Variants in MORC2 observed in about 807,000 individuals in gnomAD.
MORC2 encodes MORC family CW-type zinc finger 2, also known as ATPase MORC2.
In MORC2, 30 loss-of-function variants were observed where a neutral mutation model predicts 136.0. The ratio of observed to expected loss-of-function variants is 0.22; its 90% CI spans 0.17 to 0.30. The LOEUF is 0.30. Among genes scored for constraint, MORC2 ranks in the 10% least tolerant of loss-of-function variants. MORC2 has a pLI of 1.00. For missense variants in MORC2, 922 were observed against 1,333.1 expected, an observed-to-expected ratio of 0.69 and a Z score of 4.80; for synonymous variants, 439 against 487.0, an observed-to-expected ratio of 0.90 and a Z score of 1.30.
chr22:30,957,806 TAAC>T lies in MORC2; in HGVS notation c.122+832_122+834del, dbSNP rs376547616. On this transcript the variant is annotated intron_variant, in intron 2 of 25. Transcript: ENST00000397641. ...ACACTTCCATGAGCAGTCCAGCTAA[TAAC>T]AACAACAAAAGTAATTAGAATAAGT... is the stretch of plus-strand genomic sequence containing the variant. Among the ~76,000 whole-genome samples, 707 of 152,302 alleles carry T rather than the reference TAAC, an allele frequency of 4.6e-3. 9 individuals carry two copies. The highest frequency in any genetic ancestry group is 0.016 in the African/African-American group (677 of 41,570).
chr22:30,941,885 A>G lies in MORC2; in HGVS notation c.698+6T>C. ...AGGGCCTCCCTCCCTTCCCAGCCAC[A>G]CTCACGTGCCCTCTGGGGACGTCTC... On this transcript the variant is annotated splice_donor_region_variant and intron_variant, in intron 8 of 25. Coordinates refer to ENST00000397641, the MANE Select transcript of MORC2 (RefSeq NM_001303256.3). This position sits in a 1 kb window ranked among gnomAD's most constrained non-coding sequence, Gnocchi z 4.6. The G allele has an allele frequency of 6.3e-7, 1 of 1,599,710 alleles. No individual in the cohort carries two copies. Among genetic ancestry groups the G allele is most frequent in the Non-Finnish European group, 8.6e-7 (1 of 1,167,640 alleles).
chr22:30,948,960 A>G (rs1439220665), intron 5 of MORC2, among the ~76,000 whole-genome samples: 1 of 152,184 alleles, frequency 6.6e-6, no homozygotes, highest in Non-Finnish European at 1.5e-5. Flanking sequence ...ACAACTGCAC[A>G]CAAGGCCCAA....
intron 25 of MORC2, among the ~76,000 whole-genome samples, chr22:30,927,504 A>G (rs2040504389): frequency 6.6e-6 from 1 of 152,122 alleles, no homozygotes; most frequent in Admixed American, 6.6e-5. Context: ...TGAACACCCT[A>G]GTCAAGTGGC....
In MORC2 at chr22:30,968,075, G is replaced by GT. The variant is rs145653923; in HGVS notation, c.-187dup. On this transcript the variant is annotated 5_prime_UTR_variant, in exon 1 of 26. Transcript: ENST00000397641. ...GTTTAAAACTACAATTTCTTCAAGTGTTTTTTTTTAATCTTCTCAATGATT... is the reference window on the plus strand; with the variant it reads ...GTTTAAAACTACAATTTCTTCAAGTGTTTTTTTTTTAATCTTCTCAATGATT... 0.037 allele frequency: 19,345 copies of GT among 529,762 alleles called. 289 individuals are homozygous for GT. Among genetic ancestry groups the GT allele is most frequent in the Non-Finnish European group, 0.045 (13,445 of 297,154 alleles). 32.8% of individuals were successfully genotyped at this position (529,762 alleles called of 1,614,324 possible).
chr22:30,935,553 G>A (rs774032492), intron 17 of MORC2, among the ~76,000 whole-genome samples: 5 of 152,156 alleles, frequency 3.3e-5, no homozygotes, highest in South Asian at 4.1e-4. Flanking sequence ...CTGGCAAAAA[G>A]TGTCAATAGA....
At chr22:30,943,326 A>C (rs952683964) in intron 6 of MORC2, among the ~76,000 whole-genome samples, 1 of 152,264 alleles carries the variant, frequency 6.6e-6, no homozygotes, top group Non-Finnish European at 1.5e-5. Flanking sequence ...GCACAAGAAG[A>C]AATATGACTG....
intron 24 of MORC2, among the ~76,000 whole-genome samples, chr22:30,931,838 T>C (rs1360477506): frequency 2.6e-5 from 4 of 152,226 alleles, no homozygotes; most frequent in African/African-American, 9.7e-5. Flanking sequence ...GGCAAGACTC[T>C]CTTTTGCTGC....
At position 30,947,834 on chromosome 22, in the gene MORC2, T is replaced by C. The variant is rs1316119017; in HGVS notation, c.318-1385A>G. On this transcript the variant is annotated intron_variant, in intron 5 of 25. Transcript: ENST00000397641. ...TCTATCTTCCTTCTGTCTTTGATTC[T>C]GACTTTAGCCTTTGAATAGCAAAAG... Among the ~76,000 whole-genome samples the C allele has an allele frequency of 2.6e-5, 4 of 152,252 alleles. No homozygotes were observed. In the East Asian group the frequency reaches 7.7e-4, roughly 29 times the overall value.
At chr22:30,947,378 G>T (rs1323853602) in intron 5 of MORC2, among the ~76,000 whole-genome samples, 4 of 152,230 alleles carry the variant, frequency 2.6e-5, no homozygotes, top group Admixed American at 6.5e-5. Context: ...ACCAGCAGGG[G>T]GACCGCCCTC....
At chr22:30,957,801 G>A (rs2040987888) in intron 2 of MORC2, among the ~76,000 whole-genome samples, 1 of 152,130 alleles carries the variant, frequency 6.6e-6, no homozygotes, top group South Asian at 2.1e-4. Flanking sequence ...GAGCAGTCCA[G>A]CTAATAACAA....
chr22:30,930,394 T>C (rs1476639931), intron 24 of MORC2, among the ~76,000 whole-genome samples: 7 of 152,200 alleles, frequency 4.6e-5, no homozygotes. Flanking sequence ...CATGGATCTT[T>C]CTGTGCAGCA....
intron 16 of MORC2, 56 bp from the exon 17 acceptor site, chr22:30,936,699 G>C: frequency 1.9e-6 from 3 of 1,592,338 alleles, no homozygotes; most frequent in Non-Finnish European, 2.6e-6. Flanking sequence ...AGCTCGGCAA[G>C]GACCTTTCTC....
intron 1 of MORC2, among the ~76,000 whole-genome samples, chr22:30,960,380 T>C (rs1398066266): frequency 6.6e-6 from 1 of 150,764 alleles, no homozygotes; most frequent in African/African-American, 2.4e-5. Context: ...ACGACAAATA[T>C]GTTATAACCA....
rs1569191635 is a variant in MORC2 at position 30,936,950 on chromosome 22, G to A, written c.1586C>T (p.Pro529Leu). The change falls in exon 16 of 26, where the codon CCT (proline) becomes CTT (leucine). Residue 529 changes from proline to leucine, a missense_variant. This residue lies in a region of MORC2 where 119 missense variants were observed against 202.7 expected (regional missense o/e 0.59). Transcript: ENST00000397641. The part of the protein sequence containing the change: ...YPDTWVCSMN[P>L]DPEQDRCEAS... ...TGCTCACCGGTCCTGTTCAGGATCA[G>A]GGTTCATGGAGCAAACCCAGGTGTC... 1 of 1,613,924 alleles carries A rather than the reference G, an allele frequency of 6.2e-7. No individual in the cohort carries two copies. Among genetic ancestry groups the A allele is most frequent in the Non-Finnish European group, 8.5e-7 (1 of 1,179,802 alleles).
intron 3 of MORC2, among the ~76,000 whole-genome samples, chr22:30,952,207 A>G (rs2040898734): frequency 6.6e-6 from 1 of 152,194 alleles, no homozygotes; most frequent in Non-Finnish European, 1.5e-5. Context: ...AGGAGACTCA[A>G]ACTGGGTCAG....
intron 6 of MORC2, 89 bp downstream of exon 6, chr22:30,946,252 A>C: frequency 1.1e-6 from 1 of 920,452 alleles, no homozygotes; most frequent in Non-Finnish European, 1.7e-6. Context: ...AACCCCAAAG[A>C]GTCTAGCATT....
chr22:30,937,539 G>C lies in MORC2; in HGVS notation c.1498+44C>G, dbSNP rs749515291. On this transcript the variant is annotated intron_variant, in intron 15 of 25. Transcript: ENST00000397641. The surrounding 1 kb of genome is among the most constrained non-coding windows in gnomAD (Gnocchi z 4.7). ...AGGAAGATAGAGAAAAGAGGCTTGTGGGCTGATGGAAATGAGTCGGGGGGG... is the reference window on the plus strand; with the variant it reads ...AGGAAGATAGAGAAAAGAGGCTTGTCGGCTGATGGAAATGAGTCGGGGGGG... The C allele has an allele frequency of 1.9e-6, 3 of 1,600,004 alleles. No individual in the cohort carries two copies. In the African/African-American group the frequency reaches 4.0e-5, roughly 21 times the overall value.
chr22:30,967,880 T>C lies in MORC2; in HGVS notation c.10A>G (p.Thr4Ala), dbSNP rs1273255920. Reference sequence around the variant, plus strand: ...GCTCGATTCAGACTGCTGTAATTTGTGAAAGCCATGACTGCAATAAGGTCT... The same window carrying C: ...GCTCGATTCAGACTGCTGTAATTTGCGAAAGCCATGACTGCAATAAGGTCT... MAF[T>A]NYSSLNRAQL... is the part of the protein sequence containing the mutation. Residue 4 changes from threonine to alanine, a missense_variant, in exon 1 of 26, where the codon ACA (threonine) becomes GCA (alanine). By Grantham distance (58) the Thr-to-Ala change is moderately conservative. This residue lies in a region of MORC2 where 17 missense variants were observed against 16.8 expected (regional missense o/e 1.01). Transcript: ENST00000397641. 6.4e-7 allele frequency: 1 copy of C among 1,550,580 alleles called. No homozygotes were observed. Among genetic ancestry groups the C allele is most frequent in the Non-Finnish European group, 8.7e-7 (1 of 1,146,652 alleles).
In MORC2 at chr22:30,937,618, C is replaced by A; in HGVS notation, c.1463G>T (p.Arg488Leu). The A allele has an allele frequency of 6.2e-7, 1 of 1,613,414 alleles. No individual in the cohort carries two copies. Among genetic ancestry groups the A allele is most frequent in the East Asian group, 2.2e-5 (1 of 44,882 alleles). The change falls in exon 15 of 26, where the codon CGG (arginine) becomes CTG (leucine). Residue 488 changes from arginine (R) to leucine (L), a missense_variant. Physicochemically the swap from Arg to Leu is moderately radical, Grantham distance 102 (BLOSUM62 -2). This residue lies in a region of MORC2 where 119 missense variants were observed against 202.7 expected (regional missense o/e 0.59). Coordinates refer to ENST00000397641, the MANE Select transcript of MORC2 (RefSeq NM_001303256.3). This position sits in a 1 kb window ranked among gnomAD's most constrained non-coding sequence, Gnocchi z 4.7. Reference protein sequence around the residue: ...PPSSELRYKRRRAMEIPTTIQ... With the variant: ...PPSSELRYKRLRAMEIPTTIQ... ...GGTGGTGGGGATTTCCATAGCTCTC[C>A]GGCGTTTGTAACGCAGCTCACTGGA...
Sources: gnomAD v4.1 joint callset for allele counts (sites outside exome capture counted in the v4.1 genomes callset) on GRCh38, gnomAD v4.1.1 for gene constraint, gnomAD v4.1.1 regional missense constraint, Gnocchi (gnomAD v3.1) non-coding constraint, MANE v1.5 for transcripts, NCBI Gene and HGNC (gene_info 2026-07-23, HGNC 2026-07-21) for gene names.